SH3PXD2A: variants seen among roughly 807,000 people sequenced by gnomAD.
The protein encoded by SH3PXD2A is SH3 and PX domains 2A.
Under a neutral mutation model 115.2 loss-of-function variants are expected in SH3PXD2A, and 32 were observed. The observed-to-expected ratio is 0.28, with a 90% confidence interval of 0.21 to 0.37. The LOEUF (loss-of-function observed/expected upper bound fraction) is 0.37. Among genes scored for constraint, SH3PXD2A ranks in the 10% least tolerant of loss-of-function variants. The pLI is 1.00. For missense variants in SH3PXD2A, 1,328 were observed against 1,498.7 expected (o/e 0.89, Z 1.88); for synonymous variants, 610 against 629.1 (o/e 0.97, Z 0.45).
intron 13 of SH3PXD2A, 137 bp from the exon 14 acceptor site, chr10:103,606,054 G>A (rs369545335): frequency 2.3e-5 from 18 of 791,090 alleles, no homozygotes; most frequent in East Asian, 5.4e-5. Flanking sequence ...GCCTGAGTAC[G>A]TATCTATCAT....
chr10:103,603,086 AAGGAAGAGGAGGAGG>A lies in SH3PXD2A; in HGVS notation c.2117_2131del (p.Ser706_Ser710del), dbSNP rs753382716. On this transcript the variant is annotated inframe_deletion, in exon 15 of 15. Transcript: ENST00000369774. ...CTTCAGGTCGCCACTGGTTTTGGAC[AAGGAAGAGGAGGAGG>A]AGGAAGAGGAGGAGCAGCAAGTGGT... is the stretch of plus-strand genomic sequence containing the variant. 3.5e-5 allele frequency: 56 copies of A among 1,613,256 alleles called. 1 individual carries two copies. The highest frequency in any genetic ancestry group is 6.6e-5 in the South Asian group (6 of 91,076).
intron 3 of SH3PXD2A, among the ~76,000 whole-genome samples, chr10:103,761,226 G>A (rs576925979): frequency 5.9e-5 from 9 of 152,228 alleles, no homozygotes; most frequent in South Asian, 4.1e-4. Context: ...AACATACTGC[G>A]GTTACATAAG....
chr10:103,763,395 G>A (rs1476583445), intron 3 of SH3PXD2A, among the ~76,000 whole-genome samples: 1 of 152,188 alleles, frequency 6.6e-6, no homozygotes, highest in Admixed American at 6.5e-5. Context: ...AATAATAGGT[G>A]CTCTCTGCTT....
At chr10:103,606,130 T>A (rs935933227) in intron 13 of SH3PXD2A, among the ~76,000 whole-genome samples, 1 of 152,030 alleles carries the variant, frequency 6.6e-6, no homozygotes, top group Non-Finnish European at 1.5e-5. Context: ...TACTCAGGAC[T>A]CACGGAAGAC....
At chr10:103,687,874 C>T (rs1432918449) in intron 6 of SH3PXD2A, among the ~76,000 whole-genome samples, 1 of 152,224 alleles carries the variant, frequency 6.6e-6, no homozygotes, top group Non-Finnish European at 1.5e-5. Flanking sequence ...GGCCTCCCTA[C>T]TGCATCATGA....
At chr10:103,672,301 C>A (rs1592293544) in intron 6 of SH3PXD2A, among the ~76,000 whole-genome samples, 2 of 152,158 alleles carry the variant, frequency 1.3e-5, no homozygotes, top group Admixed American at 1.3e-4. Flanking sequence ...TAAATAAATA[C>A]TCCGGGCCTC....
chr10:103,730,163 A>G (rs1294927483), intron 4 of SH3PXD2A, among the ~76,000 whole-genome samples: 1 of 151,560 alleles, frequency 6.6e-6, no homozygotes, highest in African/African-American at 2.4e-5. Context: ...AAAACACTAC[A>G]GGTGCCCACT....
At chr10:103,797,179 A>T (rs987922506) in intron 2 of SH3PXD2A, among the ~76,000 whole-genome samples, 1 of 152,146 alleles carries the variant, frequency 6.6e-6, no homozygotes, top group Non-Finnish European at 1.5e-5. Flanking sequence ...ACTTATTCTT[A>T]AAAAAGCATT....
intron 6 of SH3PXD2A, among the ~76,000 whole-genome samples, chr10:103,678,346 C>T (rs942647851): frequency 6.6e-6 from 1 of 152,256 alleles, no homozygotes; most frequent in African/African-American, 2.4e-5. Context: ...TTGGGAAATC[C>T]CCACATCTGG....
chr10:103,694,535 G>A (rs937806220), intron 5 of SH3PXD2A, among the ~76,000 whole-genome samples: 11 of 30,506 alleles, frequency 3.6e-4, no homozygotes, highest in Admixed American at 2.3e-3. Context: ...AATGCTGGGG[G>A]CAAGGTCCAG....
chr10:103,840,926 A>G (rs1474717818), intron 1 of SH3PXD2A, among the ~76,000 whole-genome samples: 1 of 152,196 alleles, frequency 6.6e-6, no homozygotes, highest in African/African-American at 2.4e-5. Context: ...TTAGGCTCCC[A>G]GGTTAGCCTA....
intron 1 of SH3PXD2A, among the ~76,000 whole-genome samples, chr10:103,807,851 A>G (rs1451573128): frequency 1.3e-5 from 2 of 152,182 alleles, no homozygotes; most frequent in Non-Finnish European, 2.9e-5. Context: ...CCAGAAATCA[A>G]AATGAACACG....
In SH3PXD2A at chr10:103,603,092, G is replaced by A; in HGVS notation, c.2126C>T (p.Ser709Phe). The A allele has an allele frequency of 1.9e-6, 3 of 1,611,574 alleles. No homozygotes were observed. The highest frequency in any genetic ancestry group is 1.1e-5 in the South Asian group (1 of 91,038). The change falls in exon 15 of 15, where the codon TCT (serine) becomes TTT (phenylalanine). Residue 709 changes from serine to phenylalanine, a missense_variant. This residue lies in a region of SH3PXD2A where 574 missense variants were observed against 565.7 expected (regional missense o/e 1.01). Coordinates refer to ENST00000369774, the MANE Select transcript of SH3PXD2A (RefSeq NM_001394015.1). ...TCCSSSSSSS[S>F]SLSKTSGDLK... ...GTCGCCACTGGTTTTGGACAAGGAA[G>A]AGGAGGAGGAGGAAGAGGAGGAGCA...
chr10:103,608,150 T>TAAAAAAAAAAAAAAAAAAGTTAAC (rs1554903068), intron 13 of SH3PXD2A, among the ~76,000 whole-genome samples: 4 of 32,644 alleles, frequency 1.2e-4, no homozygotes, highest in African/African-American at 2.4e-4. Flanking sequence ...ATGATCAATT[T>TAAAAAAAAAAAAAAAAAAGTTAAC]AAAAAAAAAA....
At chr10:103,850,827 A>C (rs923257558) in intron 1 of SH3PXD2A, among the ~76,000 whole-genome samples, 2 of 152,184 alleles carry the variant, frequency 1.3e-5, no homozygotes, top group Non-Finnish European at 2.9e-5. Context: ...AATCACCTGC[A>C]GTGCCTTGGT....
chr10:103,699,457 CTG>C (rs2134139730), intron 5 of SH3PXD2A, among the ~76,000 whole-genome samples: 1 of 152,284 alleles, frequency 6.6e-6, no homozygotes, highest in Non-Finnish European at 1.5e-5. Flanking sequence ...GGAGGCTACT[CTG>C]AGTGTCCTCA....
chr10:103,640,307 T>C (rs1219199351), intron 8 of SH3PXD2A, among the ~76,000 whole-genome samples: 14 of 139,490 alleles, frequency 1.0e-4, no homozygotes, highest in Non-Finnish European at 1.8e-4. Flanking sequence ...AGAGCGTGAC[T>C]CCATCTAAAA....
In SH3PXD2A at chr10:103,845,466, C is replaced by T. The variant is rs538614582; in HGVS notation, c.72+9729G>A. ...TCTGGTCATCCTGACTGCTATACTC[C>T]CACCAGCACCATGACAGTTTACAAA... On this transcript the variant is annotated intron_variant, in intron 1 of 14. Transcript: ENST00000369774. 9.3e-4 allele frequency among the ~76,000 whole-genome samples: 141 copies of T among 152,204 alleles called. 1 individual carries two copies. The highest frequency in any genetic ancestry group is 1.5e-3 in the Non-Finnish European group (104 of 68,012).
intron 3 of SH3PXD2A, among the ~76,000 whole-genome samples, chr10:103,753,495 CAAAAAAA>C (rs58148179): frequency 4.6e-5 from 3 of 65,440 alleles, no homozygotes; most frequent in South Asian, 6.3e-4. Flanking sequence ...GACCCCATCT[CAAAAAAA>C]AAAAAAAAAA....
Sources: gnomAD v4.1 joint callset for allele counts (sites outside exome capture counted in the v4.1 genomes callset) on GRCh38, gnomAD v4.1.1 for gene constraint, gnomAD v4.1.1 regional missense constraint, MANE v1.5 for transcripts, NCBI Gene and HGNC (gene_info 2026-07-23, HGNC 2026-07-21) for gene names.